Variants in CSMD1 observed in about 807,000 individuals in gnomAD.
CSMD1 encodes CUB and Sushi multiple domains 1.
CSMD1 carries 213 observed loss-of-function variants against 417.5 expected under a neutral mutation model. The observed-to-expected ratio is 0.51, with a 90% confidence interval of 0.46 to 0.57. CSMD1 has a LOEUF of 0.57. CSMD1 is among the 20% of genes least tolerant of loss of function. The pLI is 0.00. For synonymous variants in CSMD1, 2,862 were observed against 1,736.8 expected, an observed-to-expected ratio of 1.65 and a Z score of -16.11; for missense variants, 6,923 against 4,529.7, an observed-to-expected ratio of 1.53 and a Z score of -15.17.
intron 52 of CSMD1, among the ~76,000 whole-genome samples, chr8:3,005,224 G>A (rs774062200): frequency 3.9e-5 from 6 of 152,198 alleles, no homozygotes; most frequent in Admixed American, 2.6e-4. Context: ...AGTACCCTGG[G>A]TGGGACCCAG....
intron 3 of CSMD1, among the ~76,000 whole-genome samples, chr8:4,121,963 A>T (rs1585360796): frequency 6.6e-6 from 1 of 152,084 alleles, no homozygotes; most frequent in African/African-American, 2.4e-5. Flanking sequence ...TTTAAATTTT[A>T]ATAATGCTTA....
chr8:4,527,869 T>C (rs1796600927), intron 2 of CSMD1, among the ~76,000 whole-genome samples: 1 of 152,200 alleles, frequency 6.6e-6, no homozygotes, highest in South Asian at 2.1e-4. Flanking sequence ...GTCTTAGTTC[T>C]ATGAAATCAG....
intron 55 of CSMD1, among the ~76,000 whole-genome samples, chr8:2,976,134 C>G (rs1012870862): frequency 1.3e-5 from 2 of 151,828 alleles, no homozygotes; most frequent in Non-Finnish European, 2.9e-5. Flanking sequence ...CACTGTCGTT[C>G]TCCACAGGAA....
intron 26 of CSMD1, among the ~76,000 whole-genome samples, chr8:3,275,358 A>T (rs994854646): frequency 1.3e-5 from 2 of 152,108 alleles, no homozygotes; most frequent in Non-Finnish European, 2.9e-5. Flanking sequence ...GGCTGCCCTT[A>T]ACATTTTTTC....
chr8:3,596,130 C>A lies in CSMD1; in HGVS notation c.1098-9870G>T, dbSNP rs777738534. Reference sequence around the variant, plus strand: ...GCGGATCATGCTCTTTGCTCTGTAGCTCGAGGGAGGAAACAGTGAGGAGTG... The same window carrying A: ...GCGGATCATGCTCTTTGCTCTGTAGATCGAGGGAGGAAACAGTGAGGAGTG... On this transcript the variant is annotated intron_variant, in intron 8 of 69. Coordinates refer to ENST00000635120, the MANE Select transcript of CSMD1 (RefSeq NM_033225.6). Among the ~76,000 whole-genome samples the A allele has an allele frequency of 5.9e-5, 9 of 152,166 alleles. 1 individual carries two copies. In the South Asian group the frequency reaches 1.0e-3, roughly 18 times the overall value.
intron 5 of CSMD1, among the ~76,000 whole-genome samples, chr8:3,919,330 G>C (rs1471962570): frequency 6.6e-6 from 1 of 151,954 alleles, no homozygotes; most frequent in African/African-American, 2.4e-5. Flanking sequence ...TCTAACACGT[G>C]GGCCAGTTTC....
At chr8:4,202,070 G>C (rs1047444051) in intron 3 of CSMD1, among the ~76,000 whole-genome samples, 7 of 149,978 alleles carry the variant, frequency 4.7e-5, no homozygotes, top group African/African-American at 1.2e-4. Flanking sequence ...CTTAATGCTT[G>C]CCTCTCAGTT....
At chr8:4,345,367 T>A (rs1472281574) in intron 3 of CSMD1, among the ~76,000 whole-genome samples, 1 of 152,142 alleles carries the variant, frequency 6.6e-6, no homozygotes, top group African/African-American at 2.4e-5. Context: ...TTTTGACATG[T>A]AATTATACAC....
Position 4,985,190 on chromosome 8 carries a change from A to G in CSMD1, c.85+9142T>C, listed in dbSNP as rs540660637. Reference sequence around the variant, plus strand: ...ACACATGGACACATAGAAGGGAACAACACACACCGGGGCCTGTCAGAGGGT... The same window carrying G: ...ACACATGGACACATAGAAGGGAACAGCACACACCGGGGCCTGTCAGAGGGT... On this transcript the variant is annotated intron_variant, in intron 1 of 69. Transcript: ENST00000635120. Among the ~76,000 whole-genome samples the G allele has an allele frequency of 8.5e-5, 13 of 152,204 alleles. No individual in the cohort carries two copies. The South Asian group carries it at 2.5e-3, about 29-fold the overall frequency.
intron 10 of CSMD1, among the ~76,000 whole-genome samples, chr8:3,497,907 G>T (rs1796433911): frequency 6.6e-6 from 1 of 152,088 alleles, no homozygotes; most frequent in Non-Finnish European, 1.5e-5. Context: ...ACTCTTTTGT[G>T]TGTCTTCACA....
At chr8:4,672,039 A>G (rs1252336153) in intron 1 of CSMD1, among the ~76,000 whole-genome samples, 1 of 152,188 alleles carries the variant, frequency 6.6e-6, no homozygotes, top group African/African-American at 2.4e-5. Flanking sequence ...GATGACACCA[A>G]GGCAGTCCTG....
chr8:3,262,017 C>T (rs1481788642), intron 26 of CSMD1, among the ~76,000 whole-genome samples: 1 of 151,590 alleles, frequency 6.6e-6, no homozygotes, highest in Non-Finnish European at 1.5e-5. Flanking sequence ...AAAGTGTGCA[C>T]AGGGTCTCTG....
intron 3 of CSMD1, among the ~76,000 whole-genome samples, chr8:4,119,179 G>A (rs1344300340): frequency 1.3e-5 from 2 of 152,024 alleles, no homozygotes; most frequent in East Asian, 3.9e-4. Context: ...GATAGGTGCA[G>A]CAAACCATCG....
At chr8:4,729,817 G>A (rs544232854) in intron 1 of CSMD1, among the ~76,000 whole-genome samples, 26 of 152,242 alleles carry the variant, frequency 1.7e-4, no homozygotes, top group African/African-American at 6.0e-4. Context: ...GTTTTCCATT[G>A]CAATCACAGT....
intron 4 of CSMD1, among the ~76,000 whole-genome samples, chr8:4,001,894 A>T (rs1563304964): frequency 6.7e-6 from 1 of 148,906 alleles, no homozygotes; most frequent in African/African-American, 2.4e-5. Context: ...GGTAGCACAG[A>T]GGAAAAAAAA....
intron 18 of CSMD1, 35 bp downstream of exon 18, chr8:3,387,459 C>G (rs1304084480): frequency 1.9e-6 from 3 of 1,549,652 alleles, no homozygotes; most frequent in African/African-American, 2.7e-5. Flanking sequence ...CTCTGCACAC[C>G]CTGCTGGTGC....
At chr8:3,147,134 C>A (rs1236375851) in intron 40 of CSMD1, among the ~76,000 whole-genome samples, 1 of 152,116 alleles carries the variant, frequency 6.6e-6, no homozygotes, top group Non-Finnish European at 1.5e-5. Flanking sequence ...ATCAAGGAAA[C>A]AGATATGTAT....
At chr8:3,082,974 G>A (rs148964062) in intron 49 of CSMD1, among the ~76,000 whole-genome samples, 40 of 152,320 alleles carry the variant, frequency 2.6e-4, no homozygotes, top group Admixed American at 9.1e-4. Context: ...TTTGGGTGGC[G>A]AAGACGTGGT....
intron 5 of CSMD1, 115 bp downstream of exon 5, chr8:3,997,788 G>A (rs1585104181): frequency 1.1e-6 from 1 of 897,372 alleles, no homozygotes; most frequent in Non-Finnish European, 1.7e-6. Flanking sequence ...GCGAAAAAAG[G>A]AACACACATG....
Sources: gnomAD v4.1 joint callset for allele counts (sites outside exome capture counted in the v4.1 genomes callset) on GRCh38, gnomAD v4.1.1 for gene constraint, MANE v1.5 for transcripts, NCBI Gene and HGNC (gene_info 2026-07-23, HGNC 2026-07-21) for gene names.